The following TTBK2 variants were observed in gnomAD, a reference collection of about 807,000 sequenced individuals.
TTBK2 encodes the protein tau-tubulin kinase 2.
In TTBK2, 28 loss-of-function variants were observed where a neutral mutation model predicts 110.8. That is an observed-to-expected ratio of 0.25 (90% confidence interval 0.19 to 0.35). The LOEUF is 0.35. Ranked by LOEUF, TTBK2 falls within the 10% of genes least tolerant of loss-of-function variation. The pLI, the probability that TTBK2 is intolerant of heterozygous loss-of-function variation, is 1.00. For synonymous variants in TTBK2, 532 were observed against 527.3 expected (o/e 1.01, Z -0.12); for missense variants, 1,369 against 1,500.3 (o/e 0.91, Z 1.45).
At chr15:42,796,856 A>G (rs1346897177) in intron 9 of TTBK2, among the ~76,000 whole-genome samples, 3 of 152,242 alleles carry the variant, frequency 2.0e-5, no homozygotes, top group African/African-American at 7.2e-5. Context: ...TTAATCTTTC[A>G]TTTAAGTTCC....
At chr15:42,827,663 T>A (rs902783548) in intron 6 of TTBK2, among the ~76,000 whole-genome samples, 1 of 152,164 alleles carries the variant, frequency 6.6e-6, no homozygotes, top group Admixed American at 6.5e-5. Context: ...AAGGGTCTCA[T>A]ACTGCAAAAA....
At chr15:42,749,102 C>T (rs985294007) in intron 14 of TTBK2, among the ~76,000 whole-genome samples, 2 of 152,184 alleles carry the variant, frequency 1.3e-5, no homozygotes, top group Non-Finnish European at 2.9e-5. Flanking sequence ...TTATTACATG[C>T]TAAGCAATGT....
intron 3 of TTBK2, among the ~76,000 whole-genome samples, chr15:42,846,397 G>C (rs1172231936): frequency 1.3e-5 from 2 of 151,802 alleles, no homozygotes; most frequent in African/African-American, 4.8e-5. Context: ...GGCCAGGCTG[G>C]TCTCAAACTC....
Position 42,744,739 on chromosome 15 carries a change from A to G in TTBK2, c.*1056T>C, listed in dbSNP as rs1285587944. The stretch of plus-strand genomic sequence containing the variant: ...TAATTCCTTATTGGCTAAATGTATA[A>G]AATACAAAGTTTGAGGATTCTAAGC... On this transcript the variant is annotated 3_prime_UTR_variant, in exon 15 of 15. Coordinates refer to ENST00000267890, the MANE Select transcript of TTBK2 (RefSeq NM_173500.4). The G allele has an allele frequency of 6.6e-6, 1 of 152,264 alleles. No individual in the cohort carries two copies. Among genetic ancestry groups the G allele is most frequent in the South Asian group, 2.1e-4 (1 of 4,832 alleles). The allele number at this position is 152,264 out of a possible 1,614,324, so 9.4% of individuals were successfully genotyped here. A position where few individuals can be genotyped will look rare whatever the true frequency, so the allele number is the denominator to read the frequency against.
At chr15:42,868,463 T>C (rs1039804038) in intron 3 of TTBK2, among the ~76,000 whole-genome samples, 5 of 152,074 alleles carry the variant, frequency 3.3e-5, no homozygotes, top group Non-Finnish European at 7.4e-5. Context: ...AGGCAATATA[T>C]AGGATACCTC....
chr15:42,819,341 T>C (rs560645752), intron 6 of TTBK2, among the ~76,000 whole-genome samples: 2 of 149,358 alleles, frequency 1.3e-5, no homozygotes, highest in South Asian at 2.1e-4. Flanking sequence ...AGAGTGAGAC[T>C]CTGTCTCAAA....
At chr15:42,840,543 G>T in intron 3 of TTBK2, 110 bp from the exon 4 acceptor site, 1 of 993,570 alleles carries the variant, frequency 1.0e-6, no homozygotes, top group Non-Finnish European at 1.6e-6. Context: ...AATACATCTT[G>T]AGAACCTTAA....
In TTBK2 at chr15:42,872,641, T is replaced by C. The variant is rs749472718; in HGVS notation, c.187A>G (p.Met63Val). ...AGCTTTTTCAAAACAGCAACTTCCA[T>C]TTTCAGAACTTGTTTTGGTTGTTGA... Reference protein sequence around the residue: ...SAQQPKQVLKMEVAVLKKLQG... With the variant: ...SAQQPKQVLKVEVAVLKKLQG... Residue 63 changes from methionine to valine, a missense_variant, in exon 3 of 15, where the codon ATG becomes GTG. This residue lies in a region of TTBK2 where 122 missense variants were observed against 159.7 expected (regional missense o/e 0.76). Transcript: ENST00000267890. The C allele has an allele frequency of 6.9e-5, 112 of 1,614,038 alleles. No homozygotes were observed. Among genetic ancestry groups the C allele is most frequent in the Non-Finnish European group, 9.3e-5 (110 of 1,180,038 alleles).
chr15:42,772,837 T>G (rs535906204), intron 13 of TTBK2, among the ~76,000 whole-genome samples: 2 of 152,142 alleles, frequency 1.3e-5, no homozygotes, highest in African/African-American at 4.8e-5. Context: ...TCCCAGCACT[T>G]TGGGAGGCCA....
intron 3 of TTBK2, among the ~76,000 whole-genome samples, chr15:42,855,595 T>C (rs1245839051): frequency 6.6e-6 from 1 of 152,134 alleles, no homozygotes; most frequent in Non-Finnish European, 1.5e-5. Context: ...TGAAATAAAA[T>C]ACAGAAAAAG....
chr15:42,883,912 GTTA>G (rs998793611), intron 1 of TTBK2, among the ~76,000 whole-genome samples: 7 of 151,960 alleles, frequency 4.6e-5, no homozygotes, highest in Admixed American at 4.6e-4. Context: ...TATTATGTAG[GTTA>G]AAAGAAACGG....
intron 14 of TTBK2, among the ~76,000 whole-genome samples, chr15:42,750,251 A>G (rs2061847542): frequency 6.6e-6 from 1 of 152,190 alleles, no homozygotes; most frequent in Non-Finnish European, 1.5e-5. Flanking sequence ...AGGAGAAAAA[A>G]ATGTATCAAC....
intron 1 of TTBK2, among the ~76,000 whole-genome samples, chr15:42,904,969 T>TCAAGTGATCCTCCCACCTCAGCTTCC (rs1210601877): frequency 7.9e-5 from 12 of 152,002 alleles, no homozygotes; most frequent in Non-Finnish European, 1.2e-4. Context: ...CCTTCTGGGC[T>TCAAGTGATCCTCCCACCTCAGCTTCC]CAAGTGATCC....
chr15:42,840,988 G>A (rs775278010), intron 3 of TTBK2, among the ~76,000 whole-genome samples: 2 of 152,086 alleles, frequency 1.3e-5, no homozygotes, highest in Non-Finnish European at 2.9e-5. Flanking sequence ...TCTCATTAAA[G>A]AAAAGCATGC....
chr15:42,810,726 G>C lies in TTBK2; in HGVS notation c.710C>G (p.Ser237Cys), dbSNP rs765720686. 2 of 1,613,604 alleles carry C rather than the reference G, an allele frequency of 1.2e-6. No homozygotes were observed. The highest frequency in any genetic ancestry group is 1.7e-6 in the Non-Finnish European group (2 of 1,179,898). Reference protein sequence around the residue: ...RKIKDKEQVGSIKERYDHRLM... With the variant: ...RKIKDKEQVGCIKERYDHRLM... ...CCTGTGGTCATATCTCTCCTTAATAGAGCCTACTTGCTCCTGGGAAGTAAA... is the reference window on the plus strand; with the variant it reads ...CCTGTGGTCATATCTCTCCTTAATACAGCCTACTTGCTCCTGGGAAGTAAA... Residue 237 changes from serine (S) to cysteine (C), a missense_variant, in exon 9 of 15, where the codon TCT becomes TGT. Around this residue, in one of 4 missense-constraint regions of TTBK2, gnomAD observed 138 missense variants for 179.0 expected, o/e 0.77. Transcript: ENST00000267890.
chr15:42,789,504 C>T (rs1222803594), intron 10 of TTBK2, among the ~76,000 whole-genome samples: 1 of 152,008 alleles, frequency 6.6e-6, no homozygotes, highest in Non-Finnish European at 1.5e-5. Context: ...GAGGTTGAGG[C>T]AGGTGGATCA....
rs374333086 is a variant in TTBK2, at chr15:42,794,893, T to G, written c.823-92A>C. The G allele has an allele frequency of 5.3e-5, 82 of 1,537,796 alleles. No individual in the cohort carries two copies. In the African/African-American group the frequency reaches 1.1e-3, roughly 20 times the overall value. On this transcript the variant is annotated intron_variant, in intron 9 of 14. Coordinates refer to ENST00000267890, the MANE Select transcript of TTBK2 (RefSeq NM_173500.4). Reference sequence around the variant, plus strand: ...AAGCACACCAGACTCATAAAATGATTTTGTAATGTGATTTTCTTTAAAAAC... The same window carrying G: ...AAGCACACCAGACTCATAAAATGATGTTGTAATGTGATTTTCTTTAAAAAC...
intron 13 of TTBK2, among the ~76,000 whole-genome samples, chr15:42,762,126 C>A (rs2062037091): frequency 1.3e-5 from 2 of 152,146 alleles, no homozygotes; most frequent in Admixed American, 1.3e-4. Flanking sequence ...AACTGTAAGT[C>A]CAATTAAACC....
intron 13 of TTBK2, among the ~76,000 whole-genome samples, chr15:42,758,070 T>C (rs1429081744): frequency 6.6e-6 from 1 of 152,188 alleles, no homozygotes; most frequent in Non-Finnish European, 1.5e-5. Context: ...AGATTATCCT[T>C]TTACTTTTCT....
Sources: gnomAD v4.1 joint callset for allele counts (sites outside exome capture counted in the v4.1 genomes callset) on GRCh38, gnomAD v4.1.1 for gene constraint, gnomAD v4.1.1 regional missense constraint, MANE v1.5 for transcripts, NCBI Gene and HGNC (gene_info 2026-07-23, HGNC 2026-07-21) for gene names.